Variants in MYO3A observed in about 807,000 individuals in gnomAD.
The protein encoded by MYO3A is myosin-IIIa.
In MYO3A, 180 loss-of-function variants were observed where a neutral mutation model predicts 192.7. The observed-to-expected ratio is 0.93, with a 90% CI of 0.83 to 1.06. The LOEUF (loss-of-function observed/expected upper bound fraction) is 1.06. Among genes scored for constraint, MYO3A ranks in the 50% least tolerant of loss-of-function variants. The pLI is 0.00. For synonymous variants in MYO3A, 628 were observed against 645.3 expected, an observed-to-expected ratio of 0.97 and a Z score of 0.41; for missense variants, 1,896 against 1,905.0, an observed-to-expected ratio of 1.00 and a Z score of 0.09.
intron 32 of MYO3A, among the ~76,000 whole-genome samples, chr10:26,194,182 G>A (rs1041889448): frequency 1.3e-5 from 2 of 152,064 alleles, no homozygotes; most frequent in Non-Finnish European, 2.9e-5. Context: ...CAGGTCCCAC[G>A]TAACTGCCTA....
chr10:25,954,917 C>T lies in MYO3A; in HGVS notation c.212C>T (p.Ala71Val). 1 of 1,612,132 alleles carries T rather than the reference C, an allele frequency of 6.2e-7. No individual in the cohort carries two copies. Among genetic ancestry groups the T allele is most frequent in the South Asian group, 1.1e-5 (1 of 91,042 alleles). ...EIEAEYNILK[A>V]LSDHPNVVRF... The stretch of plus-strand genomic sequence containing the variant: ...GAAGCAGAATATAACATCTTAAAAG[C>T]ACTTTCTGACCACCCTAATGTGGTC... The change falls in exon 4 of 35, where the codon GCA becomes GTA. Residue 71 changes from alanine (A) to valine (V), a missense_variant. Coordinates refer to ENST00000642920, the MANE Select transcript of MYO3A (RefSeq NM_017433.5).
intron 10 of MYO3A, among the ~76,000 whole-genome samples, chr10:26,061,015 G>A (rs35221748): frequency 0.47 from 71,420 of 151,356 alleles, 17,653 homozygotes; most frequent in Middle Eastern, 0.58. Flanking sequence ...TGCAAGCTCC[G>A]CCTCCTGGGT....
chr10:26,070,427 C>G (rs1445583993), intron 14 of MYO3A, 26 bp downstream of exon 14: 1 of 1,572,014 alleles, frequency 6.4e-7, no homozygotes, highest in African/African-American at 1.4e-5. Flanking sequence ...TTCTCTGTCC[C>G]ATCAGAAATA....
At chr10:26,010,550 G>A (rs548546732) in intron 6 of MYO3A, among the ~76,000 whole-genome samples, 91 of 142,304 alleles carry the variant, frequency 6.4e-4, no homozygotes, top group Non-Finnish European at 1.0e-3. Context: ...TGCAACCTCC[G>A]CCTCCTGGAT....
chr10:26,035,611 T>C (rs1588831785), intron 10 of MYO3A, among the ~76,000 whole-genome samples: 1 of 152,220 alleles, frequency 6.6e-6, no homozygotes, highest in East Asian at 1.9e-4. Flanking sequence ...GAACTTTGAA[T>C]GTGGATCCTT....
intron 25 of MYO3A, among the ~76,000 whole-genome samples, chr10:26,156,189 C>T (rs1841098425): frequency 6.6e-6 from 1 of 152,228 alleles, no homozygotes; most frequent in African/African-American, 2.4e-5. Context: ...ACAGGCCCAG[C>T]TGTTTGAAAA....
intron 4 of MYO3A, among the ~76,000 whole-genome samples, chr10:25,956,501 T>TC (rs1342310102): frequency 1.3e-5 from 2 of 149,718 alleles, no homozygotes; most frequent in Non-Finnish European, 3.0e-5. Context: ...CTAAATTTTT[T>TC]TTTTTTTTTT....
At chr10:26,088,932 C>T (rs1239452370) in intron 15 of MYO3A, among the ~76,000 whole-genome samples, 1 of 152,108 alleles carries the variant, frequency 6.6e-6, no homozygotes, top group Non-Finnish European at 1.5e-5. Context: ...GAATGAATTC[C>T]TTTTGCGGGT....
chr10:26,089,600 CA>C lies in MYO3A; in HGVS notation c.1562+1208del, dbSNP rs397845390. On this transcript the variant is annotated intron_variant, in intron 15 of 34. Coordinates refer to ENST00000642920, the MANE Select transcript of MYO3A (RefSeq NM_017433.5). ...GGGGTGACAGAGCGAGACTCCATCT[CA>C]AAAAAAAAAAAATGGAAGGAATGAT... Among the ~76,000 whole-genome samples the C allele has an allele frequency of 6.4e-3, 837 of 131,580 alleles. 6 individuals carry two copies. The highest frequency in any genetic ancestry group is 0.019 in the Middle Eastern group (5 of 258). 86.3% of individuals were successfully genotyped at this position (131,580 alleles called of 152,430 possible).
chr10:25,983,935 G>A (rs536894561), intron 4 of MYO3A, among the ~76,000 whole-genome samples: 10 of 152,140 alleles, frequency 6.6e-5, no homozygotes, highest in Non-Finnish European at 1.5e-4. Context: ...CTACAAACTC[G>A]AAGGGATTGA....
At chr10:26,021,762 G>C in intron 8 of MYO3A, 114 bp downstream of exon 8, 1 of 1,382,816 alleles carries the variant, frequency 7.2e-7, no homozygotes, top group Non-Finnish European at 1.0e-6. Context: ...CAAGTTGGGA[G>C]CAGAAGATCC....
chr10:26,029,388 G>A (rs976511359), intron 10 of MYO3A, among the ~76,000 whole-genome samples: 53 of 152,034 alleles, frequency 3.5e-4, no homozygotes, highest in Non-Finnish European at 3.1e-4. Context: ...CATAAATGTT[G>A]GAACCTCGTA....
At chr10:26,119,286 T>C (rs1411046211) in intron 17 of MYO3A, among the ~76,000 whole-genome samples, 1 of 152,106 alleles carries the variant, frequency 6.6e-6, no homozygotes, top group African/African-American at 2.4e-5. Context: ...TCTGAACATA[T>C]CATGTTATTT....
chr10:26,051,498 G>A (rs1844000970), intron 10 of MYO3A, among the ~76,000 whole-genome samples: 1 of 148,970 alleles, frequency 6.7e-6, no homozygotes, highest in Admixed American at 6.7e-5. Flanking sequence ...TTTTAAAATA[G>A]TTTCACTCTC....
chr10:26,142,473 C>G (rs1840220311), intron 20 of MYO3A, among the ~76,000 whole-genome samples: 1 of 152,192 alleles, frequency 6.6e-6, no homozygotes. Context: ...GGTACCTTAA[C>G]CCTACAGTAA....
rs1174828326 is a variant in MYO3A, at chr10:26,174,529, C to T, written c.4265C>T (p.Ala1422Val). 6.2e-7 allele frequency: 1 copy of T among 1,613,770 alleles called. No individual in the cohort carries two copies. Among genetic ancestry groups the T allele is most frequent in the South Asian group, 1.1e-5 (1 of 90,922 alleles). The change falls in exon 30 of 35, where the codon GCA (alanine) becomes GTA (valine). Residue 1422 changes from alanine (A) to valine (V), a missense_variant. Transcript: ENST00000642920. ...TCGAAAGCAACTTCAGAAAGAGAAGCATGTGGTTTGGCAATTTTTTCAAAA... is the reference window on the plus strand; with the variant it reads ...TCGAAAGCAACTTCAGAAAGAGAAGTATGTGGTTTGGCAATTTTTTCAAAA... ...KDSKATSERE[A>V]CGLAIFSKQI...
intron 27 of MYO3A, among the ~76,000 whole-genome samples, chr10:26,166,725 A>G (rs1179814782): frequency 1.3e-5 from 2 of 152,338 alleles, no homozygotes; most frequent in African/African-American, 4.8e-5. Flanking sequence ...AATGATCCAA[A>G]TAAGATTCGT....
At chr10:26,061,896 A>G (rs1056224118) in intron 10 of MYO3A, among the ~76,000 whole-genome samples, 7 of 152,122 alleles carry the variant, frequency 4.6e-5, no homozygotes, top group Admixed American at 6.5e-5. Flanking sequence ...GGATAATTGG[A>G]TTTCTTCCTC....
intron 4 of MYO3A, among the ~76,000 whole-genome samples, chr10:25,988,329 C>G (rs1268460165): frequency 3.3e-5 from 5 of 151,776 alleles, no homozygotes; most frequent in African/African-American, 1.2e-4. Context: ...TTCTTGTGAC[C>G]AAACACTACC....
Sources: gnomAD v4.1 joint callset for allele counts (sites outside exome capture counted in the v4.1 genomes callset) on GRCh38, gnomAD v4.1.1 for gene constraint, MANE v1.5 for transcripts, NCBI Gene and HGNC (gene_info 2026-07-23, HGNC 2026-07-21) for gene names.